Variants in PTPRD observed in about 807,000 individuals in gnomAD.
The protein encoded by PTPRD is receptor-type tyrosine-protein phosphatase delta.
PTPRD carries 34 observed loss-of-function variants against 214.5 expected under a neutral mutation model. The observed-to-expected ratio is 0.16, with a 90% CI of 0.12 to 0.21. PTPRD has a LOEUF of 0.21. Ranked by LOEUF, PTPRD falls within the 10% of genes least tolerant of loss-of-function variation. PTPRD has a pLI of 1.00. For missense variants in PTPRD, 2,545 were observed against 2,398.7 expected (o/e 1.06, Z -1.27); for synonymous variants, 1,128 against 845.7 (o/e 1.33, Z -5.79).
At chr9:9,451,844 C>A (rs972163890) in intron 8 of PTPRD, among the ~76,000 whole-genome samples, 1 of 150,702 alleles carries the variant, frequency 6.6e-6, no homozygotes, top group African/African-American at 2.4e-5. Context: ...GCTATAGATA[C>A]AACTGAATAA....
chr9:8,784,096 A>C (rs944252036), intron 11 of PTPRD, among the ~76,000 whole-genome samples: 1 of 152,172 alleles, frequency 6.6e-6, no homozygotes, highest in Non-Finnish European at 1.5e-5. Context: ...CTTGGAGTTT[A>C]ACTCCTCTCA....
In PTPRD at chr9:9,998,832, C is replaced by G. The variant is rs187320730; in HGVS notation, c.-472+34886G>C. ...AACATTTTTACTGACTCCAAGTACT[C>G]TTTCCTGATTCTCCATGCTCATGCT... On this transcript the variant is annotated intron_variant, in intron 4 of 45. Transcript: ENST00000381196. Among the ~76,000 whole-genome samples, 428 of 152,288 alleles carry G rather than the reference C, an allele frequency of 2.8e-3. 2 individuals carry two copies. Among genetic ancestry groups the G allele is most frequent in the Non-Finnish European group, 4.4e-3 (299 of 68,020 alleles).
rs191400540 is a variant in PTPRD at position 10,167,185 on chromosome 9, G to A, written c.-544-133395C>T. ...CTTATGGAGTAGTATGGAGCCTGATGTGTATTTCAGAGAGAATTAAGAAAT... is the reference window on the plus strand; with the variant it reads ...CTTATGGAGTAGTATGGAGCCTGATATGTATTTCAGAGAGAATTAAGAAAT... On this transcript the variant is annotated intron_variant, in intron 3 of 45. Transcript: ENST00000381196. 1.8e-4 allele frequency among the ~76,000 whole-genome samples: 27 copies of A among 151,436 alleles called. No homozygotes were observed. The East Asian group carries it at 4.8e-3, about 27-fold the overall frequency.
At chr9:10,459,364 T>A (rs938598205) in intron 2 of PTPRD, among the ~76,000 whole-genome samples, 1 of 152,198 alleles carries the variant, frequency 6.6e-6, no homozygotes, top group African/African-American at 2.4e-5. Flanking sequence ...TAGACATATA[T>A]GTGCATGCGT....
chr9:8,463,912 CT>C (rs2096484278), intron 32 of PTPRD, among the ~76,000 whole-genome samples: 1 of 151,926 alleles, frequency 6.6e-6, no homozygotes, highest in South Asian at 2.1e-4. Context: ...CAAGTCTCTC[CT>C]AGGCCTGCAA....
intron 7 of PTPRD, among the ~76,000 whole-genome samples, chr9:9,714,157 T>C (rs2097780202): frequency 6.6e-6 from 1 of 152,166 alleles, no homozygotes; most frequent in Non-Finnish European, 1.5e-5. Context: ...CTTCCTGTAT[T>C]TAAAGCTGAA....
chr9:9,434,081 A>G (rs958126808), intron 8 of PTPRD, among the ~76,000 whole-genome samples: 9 of 152,198 alleles, frequency 5.9e-5, no homozygotes, highest in Non-Finnish European at 1.2e-4. Context: ...GGTTTTGCAT[A>G]TACTAAAACC....
intron 39 of PTPRD, among the ~76,000 whole-genome samples, chr9:8,342,347 T>C (rs576555459): frequency 2.6e-5 from 4 of 152,212 alleles, no homozygotes; most frequent in African/African-American, 9.6e-5. Flanking sequence ...TATATATTGG[T>C]CCAGATCTGG....
At chr9:10,552,332 C>G (rs1450735854) in intron 2 of PTPRD, among the ~76,000 whole-genome samples, 2 of 152,144 alleles carry the variant, frequency 1.3e-5, no homozygotes, top group Non-Finnish European at 2.9e-5. Context: ...AATGAGCTAT[C>G]ACACCATGCT....
rs555535066 is a variant in PTPRD, at chr9:9,234,011, C to A, written c.-202-50648G>T. ...TTTTCAAAGCTCCACTAGGTAGTGC[C>A]CCGGTGGGGACTCTGTGTGGGGGCT... On this transcript the variant is annotated intron_variant, in intron 9 of 45. Coordinates refer to ENST00000381196, the MANE Select transcript of PTPRD (RefSeq NM_002839.4). Among the ~76,000 whole-genome samples the A allele has an allele frequency of 3.9e-5, 6 of 152,210 alleles. No homozygotes were observed. In the South Asian group the frequency reaches 1.0e-3, roughly 26 times the overall value.
chr9:10,560,002 G>A lies in PTPRD; in HGVS notation c.-600+52396C>T, dbSNP rs548794745. ...CAATCATTGTGGAAGTCAGTGTGGC[G>A]ATTCTTCAGGGATCTAGAACTAGAA... On this transcript the variant is annotated intron_variant, in intron 2 of 45. Transcript: ENST00000381196. Among the ~76,000 whole-genome samples, 11 of 152,286 alleles carry A rather than the reference G, an allele frequency of 7.2e-5. No individual in the cohort carries two copies. In the South Asian group the frequency reaches 8.3e-4, roughly 11 times the overall value.
chr9:9,566,800 T>C (rs1377458548), intron 8 of PTPRD, among the ~76,000 whole-genome samples: 2 of 152,074 alleles, frequency 1.3e-5, no homozygotes, highest in African/African-American at 2.4e-5. Flanking sequence ...AAAGCGTTTC[T>C]TCGGCCTATC....
chr9:10,413,859 A>C (rs1323521014), intron 2 of PTPRD, among the ~76,000 whole-genome samples: 3 of 152,024 alleles, frequency 2.0e-5, no homozygotes, highest in Non-Finnish European at 4.4e-5. Flanking sequence ...GCATGGGGAA[A>C]GGACTCCCTA....
chr9:10,371,911 T>C (rs1045115776), intron 2 of PTPRD, among the ~76,000 whole-genome samples: 26 of 152,090 alleles, frequency 1.7e-4, no homozygotes. Flanking sequence ...TCATTCCTGT[T>C]ATGTGATCTA....
intron 11 of PTPRD, among the ~76,000 whole-genome samples, chr9:8,867,849 T>C (rs1335407009): frequency 6.6e-6 from 1 of 152,212 alleles, no homozygotes. Context: ...TGTGTATCCC[T>C]TGTGCACCTG....
At chr9:9,056,368 GA>G (rs2099696270) in intron 10 of PTPRD, among the ~76,000 whole-genome samples, 1 of 152,140 alleles carries the variant, frequency 6.6e-6, no homozygotes, top group African/African-American at 2.4e-5. Flanking sequence ...AACATTTTGA[GA>G]TAGTTATGCT....
intron 11 of PTPRD, among the ~76,000 whole-genome samples, chr9:8,829,805 A>T (rs924835743): frequency 2.6e-5 from 4 of 152,250 alleles, no homozygotes; most frequent in Admixed American, 2.6e-4. Flanking sequence ...AATCTTCAGC[A>T]GGTCATTTAC....
At chr9:10,509,689 C>A (rs1002605696) in intron 2 of PTPRD, among the ~76,000 whole-genome samples, 2 of 150,682 alleles carry the variant, frequency 1.3e-5, no homozygotes, top group African/African-American at 4.9e-5. Context: ...TTACGATTGA[C>A]TGTATGTCCA....
chr9:10,198,479 T>C (rs1469584655), intron 3 of PTPRD, among the ~76,000 whole-genome samples: 1 of 152,072 alleles, frequency 6.6e-6, no homozygotes, highest in Non-Finnish European at 1.5e-5. Flanking sequence ...AATGATTGCC[T>C]GAAGAGGCGG....
Sources: allele counts gnomAD v4.1 joint callset (sites outside exome capture counted in the v4.1 genomes callset), GRCh38; gene constraint gnomAD v4.1.1; transcripts MANE v1.5; gene names NCBI Gene and HGNC (gene_info 2026-07-23, HGNC 2026-07-21).